The following LGSN variants were observed in gnomAD, a reference collection of about 807,000 sequenced individuals.
The protein encoded by LGSN is lengsin.
In LGSN, 21 loss-of-function variants were observed where a neutral mutation model predicts 19.5. The observed-to-expected ratio is 1.07, with a 90% CI of 0.76 to 1.55. The LOEUF is 1.55. Among genes scored for constraint, LGSN ranks in the 40% most tolerant of loss-of-function variants. The pLI is 0.00. For synonymous variants in LGSN, 257 were observed against 215.6 expected (o/e 1.19, Z -1.68); for missense variants, 673 against 608.5 (o/e 1.11, Z -1.12).
At chr6:63,453,092 A>AT in the LGSN span, among the ~76,000 whole-genome samples, 1 of 152,002 alleles carries the variant, frequency 6.6e-6, no homozygotes, top group Non-Finnish European at 1.5e-5. Flanking sequence ...ATATTTGGAG[A>AT]TTTTTAATAT....
chr6:63,392,930 A>G, the LGSN span, among the ~76,000 whole-genome samples: 10 of 122,092 alleles, frequency 8.2e-5, no homozygotes, highest in Non-Finnish European at 1.3e-4. Flanking sequence ...TCTGTCGCCC[A>G]GGCTGGAGTG....
chr6:63,444,617 T>C, the LGSN span, among the ~76,000 whole-genome samples: 1 of 152,160 alleles, frequency 6.6e-6, no homozygotes, highest in Non-Finnish European at 1.5e-5. Flanking sequence ...TAGAAGGCCA[T>C]TCAGATTTTT....
chr6:63,458,555 A>T, the LGSN span, among the ~76,000 whole-genome samples: 1 of 152,176 alleles, frequency 6.6e-6, no homozygotes, highest in Non-Finnish European at 1.5e-5. Flanking sequence ...ACTGAGTTGA[A>T]AGCCTGAAGA....
At chr6:63,412,402 A>G in the LGSN span, among the ~76,000 whole-genome samples, 198 of 133,208 alleles carry the variant, frequency 1.5e-3, 1 homozygote, top group African/African-American at 5.1e-3. Context: ...AAAGAAGGAA[A>G]GAAAGAAAGA....
the LGSN span, among the ~76,000 whole-genome samples, chr6:63,357,583 T>G: frequency 3.3e-5 from 5 of 152,278 alleles, no homozygotes; most frequent in Non-Finnish European, 7.3e-5. Flanking sequence ...TGATGGCCAC[T>G]GATGATGAAC....
chr6:63,339,411 T>C, the LGSN span, among the ~76,000 whole-genome samples: 6 of 152,244 alleles, frequency 3.9e-5, no homozygotes, highest in Non-Finnish European at 1.5e-5. Context: ...ATTGATCCTT[T>C]TATCATTATA....
At chr6:63,281,861 C>A (rs1025662210) in intron 3 of LGSN, among the ~76,000 whole-genome samples, 1 of 152,186 alleles carries the variant, frequency 6.6e-6, no homozygotes. Flanking sequence ...GAACCCTTGT[C>A]CATGAATGTG....
chr6:63,531,742 T>C, the LGSN span, among the ~76,000 whole-genome samples: 1 of 152,054 alleles, frequency 6.6e-6, no homozygotes, highest in Non-Finnish European at 1.5e-5. Context: ...CCACCTGTCT[T>C]GGCCTCCCAA....
At chr6:63,366,227 C>T in the LGSN span, among the ~76,000 whole-genome samples, 1 of 152,192 alleles carries the variant, frequency 6.6e-6, no homozygotes, top group Non-Finnish European at 1.5e-5. Context: ...AGCTGATAAG[C>T]AACTTCAGCA....
chr6:63,505,609 G>GAAAT, the LGSN span, among the ~76,000 whole-genome samples: 1,465 of 109,020 alleles, frequency 0.013, 159 homozygotes, highest in Middle Eastern at 0.025. Flanking sequence ...AAGAAAGAAA[G>GAAAT]AAAGAAAGAA....
chr6:63,560,367 A>G, the LGSN span, among the ~76,000 whole-genome samples: 3 of 150,764 alleles, frequency 2.0e-5, no homozygotes, highest in Non-Finnish European at 4.4e-5. Flanking sequence ...AGAAAGAAAG[A>G]AAAGAAGTGA....
chr6:63,457,989 A>G, the LGSN span, among the ~76,000 whole-genome samples: 1 of 152,168 alleles, frequency 6.6e-6, no homozygotes, highest in African/African-American at 2.4e-5. Context: ...ATTTAATGTC[A>G]TAGTAGCACA....
chr6:63,528,762 C>CA, the LGSN span, among the ~76,000 whole-genome samples: 11 of 148,594 alleles, frequency 7.4e-5, no homozygotes, highest in Admixed American at 5.4e-4. Flanking sequence ...GACCCTGTCT[C>CA]AAAAAAAAGC....
At chr6:63,465,430 C>T in the LGSN span, among the ~76,000 whole-genome samples, 4 of 152,038 alleles carry the variant, frequency 2.6e-5, no homozygotes, top group Non-Finnish European at 4.4e-5. Flanking sequence ...GATACGCCCA[C>T]CCTGGCCTCC....
intron 2 of LGSN, among the ~76,000 whole-genome samples, chr6:63,290,930 CT>C (rs1324700478): frequency 6.6e-6 from 1 of 152,178 alleles, no homozygotes. Flanking sequence ...CGTCTGGCCC[CT>C]GTGGGTATTT....
chr6:63,518,320 T>C, the LGSN span, among the ~76,000 whole-genome samples: 1 of 152,220 alleles, frequency 6.6e-6, no homozygotes, highest in Admixed American at 6.5e-5. Flanking sequence ...TTGTATTTAC[T>C]TTTCTTGTTA....
At chr6:63,569,820 AAGT>A in the LGSN span, among the ~76,000 whole-genome samples, 3 of 152,150 alleles carry the variant, frequency 2.0e-5, no homozygotes, top group African/African-American at 7.2e-5. Context: ...CACTATTTTC[AAGT>A]CTGTTAGAGA....
the LGSN span, among the ~76,000 whole-genome samples, chr6:63,471,131 G>A: frequency 6.7e-6 from 1 of 149,000 alleles, no homozygotes; most frequent in Non-Finnish European, 1.5e-5. Context: ...TTTTTTTTTG[G>A]TTGTTTTTTT....
chr6:63,385,180 A>C, the LGSN span, among the ~76,000 whole-genome samples: 1 of 152,244 alleles, frequency 6.6e-6, no homozygotes, highest in Non-Finnish European at 1.5e-5. Flanking sequence ...TAATGACACA[A>C]GGAAGGAAGC....
Sources: allele counts gnomAD v4.1 joint callset (sites outside exome capture counted in the v4.1 genomes callset), GRCh38; gene constraint gnomAD v4.1.1; transcripts MANE v1.5; gene names NCBI Gene and HGNC (gene_info 2026-07-23, HGNC 2026-07-21).